Variants in ZDHHC1 observed in about 807,000 individuals in gnomAD.
The protein encoded by ZDHHC1 is palmitoyltransferase ZDHHC1.
Under a neutral mutation model 46.9 loss-of-function variants are expected in ZDHHC1, and 45 were observed. The ratio of observed to expected loss-of-function variants is 0.96; its 90% CI spans 0.76 to 1.23. The LOEUF (loss-of-function observed/expected upper bound fraction) is 1.23, where lower values mean the gene tolerates loss of function less well. Ranked by LOEUF, ZDHHC1 falls within the 50% of genes most tolerant of loss-of-function variation. The probability of loss-of-function intolerance (pLI) is 0.00; values close to 1 mark genes in which losing one functional copy is unlikely to be tolerated. For synonymous variants in ZDHHC1, 291 were observed against 286.0 expected (o/e 1.02, Z -0.18); for missense variants, 649 against 670.8 (o/e 0.97, Z 0.36).
At chr16:67,398,977 C>A in intron 5 of ZDHHC1, 33 bp from the exon 6 acceptor site, 1 of 1,605,140 alleles carries the variant, frequency 6.2e-7, no homozygotes, top group Non-Finnish European at 8.5e-7. Context: ...GTCAGCTCCC[C>A]GGAGCTCCAG....
intron 1 of ZDHHC1, among the ~76,000 whole-genome samples, chr16:67,410,309 G>A (rs1439639667): frequency 6.6e-6 from 1 of 152,218 alleles, no homozygotes; most frequent in Non-Finnish European, 1.5e-5. Context: ...GCTCCTTGCT[G>A]CCCACCTGGC....
intron 1 of ZDHHC1, among the ~76,000 whole-genome samples, chr16:67,411,093 A>C (rs759959854): frequency 1.4e-4 from 21 of 151,262 alleles, no homozygotes; most frequent in Non-Finnish European, 1.3e-4. Flanking sequence ...GCTCCCAACA[A>C]AAAAAAAACC....
intron 1 of ZDHHC1, among the ~76,000 whole-genome samples, chr16:67,412,291 C>A (rs758260063): frequency 2.2e-4 from 33 of 150,910 alleles, no homozygotes; most frequent in Non-Finnish European, 4.3e-4. Flanking sequence ...TCAAACTGTT[C>A]AAATATATAT....
intron 1 of ZDHHC1, among the ~76,000 whole-genome samples, chr16:67,413,050 G>A (rs576274399): frequency 3.3e-5 from 5 of 151,202 alleles, no homozygotes; most frequent in African/African-American, 9.7e-5. Flanking sequence ...TGATCCACCC[G>A]CCTCGGCCTC....
At position 67,406,942 on chromosome 16, in the gene ZDHHC1, C is replaced by A. The variant is rs190951444; in HGVS notation, c.10-500G>T. Among the ~76,000 whole-genome samples, 34 of 152,304 alleles carry A rather than the reference C, an allele frequency of 2.2e-4. No individual in the cohort carries two copies. The highest frequency in any genetic ancestry group is 2.1e-3 in the South Asian group (10 of 4,828). ...CAGAAGGAGGATCTGCCCTCTCCCC[C>A]ACGGTGGACAGAAAATCCCTTTAGG... On this transcript the variant is annotated intron_variant, in intron 2 of 11. Transcript: ENST00000565726. This position sits in a 1 kb window ranked among gnomAD's most constrained non-coding sequence, Gnocchi z 4.1.
chr16:67,412,550 G>A (rs931786074), intron 1 of ZDHHC1, among the ~76,000 whole-genome samples: 5 of 152,326 alleles, frequency 3.3e-5, no homozygotes, highest in Middle Eastern at 3.4e-3. Context: ...GCAGAGCTAT[G>A]AGGAAAAGCC....
At chr16:67,409,612 G>A (rs894489452) in intron 1 of ZDHHC1, among the ~76,000 whole-genome samples, 8 of 152,332 alleles carry the variant, frequency 5.3e-5, no homozygotes, top group African/African-American at 1.2e-4. Context: ...CTGGGAGGTC[G>A]GAGAGAATCC....
intron 1 of ZDHHC1, among the ~76,000 whole-genome samples, chr16:67,413,544 CA>C (rs1439042226): frequency 1.3e-5 from 2 of 152,158 alleles, no homozygotes; most frequent in Non-Finnish European, 2.9e-5. Flanking sequence ...ACACAACTAC[CA>C]AAAATTAAAC....
At chr16:67,396,828 G>A (rs1161893296) in intron 8 of ZDHHC1, among the ~76,000 whole-genome samples, 1 of 152,246 alleles carries the variant, frequency 6.6e-6, no homozygotes, top group Non-Finnish European at 1.5e-5. Context: ...CCCACTGGGG[G>A]GCCCTGGGCT....
At chr16:67,395,428 T>C in intron 9 of ZDHHC1, 56 bp downstream of exon 9, 1 of 1,547,838 alleles carries the variant, frequency 6.5e-7, no homozygotes. Context: ...CCTGCCTCGA[T>C]GGCCCTGCCA....
Position 67,395,869 on chromosome 16 carries a change from G to A in ZDHHC1, c.928-303C>T. 1.0e-5 allele frequency: 4 copies of A among 398,276 alleles called. No homozygotes were observed. The South Asian group carries it at 1.2e-4, about 12-fold the overall frequency. 24.7% of individuals were successfully genotyped at this position (398,276 alleles called of 1,614,324 possible). A position where few individuals can be genotyped will look rare whatever the true frequency, so the allele number is the denominator to read the frequency against. On this transcript the variant is annotated intron_variant, in intron 8 of 11. Coordinates refer to ENST00000565726, the MANE Select transcript of ZDHHC1 (RefSeq NM_001323627.2). ...GAGAGGCTCAGCCAGGGAGTGGTGG[G>A]AAGCTCAGAGCTGCCCGCACCTGCT...
Position 67,395,520 on chromosome 16 carries a change from G to A in ZDHHC1, c.974C>T (p.Pro325Leu). ...TGCTGCTGGCCCGGCCTGGCCAGGG[G>A]GCTCTGGGCGCATATGTCTGAAGGT... ...MRTFRHMRPE[P>L]PGQAGPAAVN... The change falls in exon 9 of 12, where the codon CCC (proline) becomes CTC (leucine). Residue 325 changes from proline (P) to leucine (L), a missense_variant. Transcript: ENST00000565726. The A allele has an allele frequency of 1.3e-6, 2 of 1,555,306 alleles. No individual in the cohort carries two copies. Among genetic ancestry groups the A allele is most frequent in the Non-Finnish European group, 1.7e-6 (2 of 1,148,822 alleles).
intron 7 of ZDHHC1, 30 bp from the exon 8 acceptor site, chr16:67,398,354 G>A (rs1163180353): frequency 3.8e-6 from 6 of 1,598,000 alleles, no homozygotes; most frequent in African/African-American, 1.3e-5. Context: ...GCTCAGTGCG[G>A]TGGAAGGGGG....
chr16:67,399,525 T>C (rs1237732002), intron 4 of ZDHHC1, 69 bp from the exon 5 acceptor site: 1 of 1,360,610 alleles, frequency 7.3e-7, no homozygotes, highest in Non-Finnish European at 1.0e-6. Flanking sequence ...CCGGTCGGGG[T>C]GGTTGAGTGG....
At chr16:67,394,952 C>T (rs1284983248) in intron 11 of ZDHHC1, 50 bp downstream of exon 11, 4 of 1,570,018 alleles carry the variant, frequency 2.5e-6, no homozygotes, top group Admixed American at 3.6e-5. Context: ...GCTCTGCCTT[C>T]CCCTCCCTCG....
rs2040378840 is a variant in ZDHHC1 at position 67,394,613 on chromosome 16, A to G, written c.1446T>C (p.Ala482=). 6.7e-6 allele frequency: 8 copies of G among 1,190,730 alleles called. No homozygotes were observed. In the Admixed American group the frequency reaches 2.5e-4, roughly 38 times the overall value. 73.8% of individuals were successfully genotyped at this position (1,190,730 alleles called of 1,614,324 possible). Residue 482 remains alanine, a synonymous_variant, in exon 12 of 12, where the codon GCT becomes GCC. Transcript: ENST00000565726. ...RAPGGREAGL[A] is the part of the protein sequence containing the mutation. The stretch of plus-strand genomic sequence containing the variant: ...GCCCTCCGGCCTCTCGGCCCAGCTA[A>G]GCCAGACCAGCCTCCCGGCCGCCCG...
rs1206284492 is a variant in ZDHHC1, at chr16:67,416,451, C to T, written c.-319G>A. The T allele has an allele frequency of 5.8e-6, 1 of 172,252 alleles. No homozygotes were observed. The highest frequency in any genetic ancestry group is 1.3e-5 in the Non-Finnish European group (1 of 79,474). The allele number at this position is 172,252 out of a possible 1,614,324, so 10.7% of individuals were successfully genotyped here. ...GCTGGAGGGGCGGCCAGGCCAGACC[C>T]AGACTGGCTGGGCCTCGTCCGGCGC... On this transcript the variant is annotated 5_prime_UTR_variant, in exon 1 of 12. Transcript: ENST00000565726.
chr16:67,395,641 A>G (rs1322617694), intron 8 of ZDHHC1, 75 bp from the exon 9 acceptor site: 1 of 1,414,068 alleles, frequency 7.1e-7, no homozygotes, highest in Non-Finnish European at 9.7e-7. Flanking sequence ...AAGCCCACGC[A>G]GTCCTGCCCT....
chr16:67,403,974 A>G (rs973266568), intron 3 of ZDHHC1, among the ~76,000 whole-genome samples: 1 of 152,088 alleles, frequency 6.6e-6, no homozygotes, highest in East Asian at 1.9e-4. Context: ...GGGGCGCAAC[A>G]TTATCAGATT....
Sources: allele counts gnomAD v4.1 joint callset (sites outside exome capture counted in the v4.1 genomes callset), GRCh38; gene constraint gnomAD v4.1.1; non-coding constraint Gnocchi (gnomAD v3.1); transcripts MANE v1.5; gene names NCBI Gene and HGNC (gene_info 2026-07-23, HGNC 2026-07-21).